Variants in RABGAP1L observed in about 807,000 individuals in gnomAD.
RABGAP1L encodes RAB GTPase activating protein 1 like.
Under a neutral mutation model 137.7 loss-of-function variants are expected in RABGAP1L, and 63 were observed. The ratio of observed to expected loss-of-function variants is 0.46; its 90% CI spans 0.37 to 0.56. The LOEUF is 0.56. Among genes scored for constraint, RABGAP1L ranks in the 20% least tolerant of loss-of-function variants. RABGAP1L has a pLI of 0.00. For synonymous variants in RABGAP1L, 431 were observed against 433.7 expected (o/e 0.99, Z 0.08); for missense variants, 1,095 against 1,244.0 (o/e 0.88, Z 1.80).
At chr1:174,922,339 C>T (rs1452544469) in intron 19 of RABGAP1L, 1 of 197,278 alleles carries the variant, frequency 5.1e-6, no homozygotes, top group African/African-American at 2.3e-5. Flanking sequence ...TTAAAATGGC[C>T]TTGTCCTTGG....
chr1:174,790,190 A>G (rs1687742581), intron 18 of RABGAP1L, among the ~76,000 whole-genome samples: 1 of 152,022 alleles, frequency 6.6e-6, no homozygotes, highest in African/African-American at 2.4e-5. Context: ...AGTCTGGGAG[A>G]CAGAGCAAGA....
At chr1:174,560,674 C>T (rs1667152524) in intron 13 of RABGAP1L, among the ~76,000 whole-genome samples, 1 of 152,148 alleles carries the variant, frequency 6.6e-6, no homozygotes. Flanking sequence ...AGGTAGTGAA[C>T]ATAGTACCCA....
intron 14 of RABGAP1L, among the ~76,000 whole-genome samples, chr1:174,675,407 G>A (rs1361618920): frequency 6.6e-6 from 1 of 151,902 alleles, no homozygotes; most frequent in Non-Finnish European, 1.5e-5. Flanking sequence ...GTAGATATGT[G>A]GCGTTATTTC....
In RABGAP1L at chr1:174,425,863, T is replaced by A. The variant is rs116401555; in HGVS notation, c.1710+31718T>A. 1.3e-3 allele frequency among the ~76,000 whole-genome samples: 199 copies of A among 152,178 alleles called. 1 individual carries two copies. The highest frequency in any genetic ancestry group is 4.5e-3 in the African/African-American group (185 of 41,560). On this transcript the variant is annotated intron_variant, in intron 13 of 25. Transcript: ENST00000681986. The stretch of plus-strand genomic sequence containing the variant: ...TTCTTCTGAAAATTTCCAAAACTTT[T>A]TAAACACCCATTTCGTACACATATA...
intron 13 of RABGAP1L, among the ~76,000 whole-genome samples, chr1:174,400,425 C>T (rs1303546915): frequency 6.6e-6 from 1 of 152,014 alleles, no homozygotes; most frequent in African/African-American, 2.4e-5. Flanking sequence ...TATGAAATAG[C>T]CTATGCCTGG....
chr1:174,530,809 A>G (rs947439837), intron 13 of RABGAP1L, among the ~76,000 whole-genome samples: 7 of 119,490 alleles, frequency 5.9e-5, no homozygotes, highest in Non-Finnish European at 1.2e-4. Flanking sequence ...ATACATACAT[A>G]CATACATACA....
chr1:174,331,804 T>A (rs894008122), intron 11 of RABGAP1L, among the ~76,000 whole-genome samples: 2 of 151,710 alleles, frequency 1.3e-5, no homozygotes, highest in African/African-American at 4.8e-5. Context: ...ATTAGGTATA[T>A]CTCCTAATGC....
chr1:174,840,717 GAGGC>G (rs1217751086), intron 19 of RABGAP1L, among the ~76,000 whole-genome samples: 1 of 151,400 alleles, frequency 6.6e-6, no homozygotes, highest in Non-Finnish European at 1.5e-5. Flanking sequence ...TTGGGAGACT[GAGGC>G]AGGAGAATTG....
At chr1:174,255,213 T>C (rs1314163388) in intron 7 of RABGAP1L, among the ~76,000 whole-genome samples, 1 of 152,228 alleles carries the variant, frequency 6.6e-6, no homozygotes, top group Non-Finnish European at 1.5e-5. Flanking sequence ...GTCTTAAAAT[T>C]GATGGCTTTC....
At chr1:174,741,272 G>T (rs1256473311) in intron 17 of RABGAP1L, among the ~76,000 whole-genome samples, 1 of 151,970 alleles carries the variant, frequency 6.6e-6, no homozygotes, top group Non-Finnish European at 1.5e-5. Context: ...GTGAGATAAT[G>T]GTCCAGTTAC....
At chr1:174,274,719 A>G (rs1187559619) in intron 8 of RABGAP1L, among the ~76,000 whole-genome samples, 1 of 151,178 alleles carries the variant, frequency 6.6e-6, no homozygotes, top group South Asian at 2.1e-4. Context: ...CCTTGAGTGT[A>G]TTTCATCTCT....
intron 13 of RABGAP1L, among the ~76,000 whole-genome samples, chr1:174,486,887 T>C (rs1395775777): frequency 6.6e-6 from 1 of 152,210 alleles, no homozygotes; most frequent in Non-Finnish European, 1.5e-5. Flanking sequence ...CCTTATTGAC[T>C]CACTCATCAT....
At chr1:174,297,315 G>T (rs1677213179) in intron 10 of RABGAP1L, among the ~76,000 whole-genome samples, 3 of 152,154 alleles carry the variant, frequency 2.0e-5, no homozygotes, top group Admixed American at 2.0e-4. Context: ...GGTTTGAAGG[G>T]TGAGTAAAGC....
chr1:174,383,939 T>C (rs1686481701), intron 12 of RABGAP1L, among the ~76,000 whole-genome samples: 1 of 152,194 alleles, frequency 6.6e-6, no homozygotes, highest in African/African-American at 2.4e-5. Context: ...CCAGTCCCAC[T>C]GCTGTGTGTT....
intron 13 of RABGAP1L, among the ~76,000 whole-genome samples, chr1:174,550,895 T>TATATATATATATATATAG (rs1456087584): frequency 2.0e-5 from 1 of 50,968 alleles, no homozygotes; most frequent in South Asian, 6.0e-4. Flanking sequence ...TATATATATA[T>TATATATATATATATATAG]ACACACACAC....
intron 4 of RABGAP1L, among the ~76,000 whole-genome samples, chr1:174,234,484 T>A (rs1670975664): frequency 6.8e-6 from 1 of 146,218 alleles, no homozygotes; most frequent in Admixed American, 6.6e-5. Flanking sequence ...TTCCTACATA[T>A]GGCTATCCAG....
At chr1:174,172,959 G>T (rs2148242732) in intron 1 of RABGAP1L, among the ~76,000 whole-genome samples, 1 of 152,084 alleles carries the variant, frequency 6.6e-6, no homozygotes, top group African/African-American at 2.4e-5. Flanking sequence ...TTTCCCTTGT[G>T]TTTTCTTCTA....
At chr1:174,781,214 C>T (rs1364721149) in intron 18 of RABGAP1L, among the ~76,000 whole-genome samples, 1 of 152,206 alleles carries the variant, frequency 6.6e-6, no homozygotes, top group Non-Finnish European at 1.5e-5. Context: ...TATTTCTCCA[C>T]ATCCTCTCCA....
At chr1:174,724,943 G>A (rs918851862) in intron 17 of RABGAP1L, among the ~76,000 whole-genome samples, 2 of 152,136 alleles carry the variant, frequency 1.3e-5, no homozygotes, top group Admixed American at 1.3e-4. Flanking sequence ...AGGCTCTTGG[G>A]TGGCAGGTTC....
Sources: allele counts gnomAD v4.1 joint callset (sites outside exome capture counted in the v4.1 genomes callset), GRCh38; gene constraint gnomAD v4.1.1; transcripts MANE v1.5; gene names NCBI Gene and HGNC (gene_info 2026-07-23, HGNC 2026-07-21).